Variants in ASIC2 observed in about 807,000 individuals in gnomAD.
ASIC2 encodes the protein acid-sensing ion channel 2.
In ASIC2, 25 loss-of-function variants were observed where a neutral mutation model predicts 57.3. The ratio of observed to expected loss-of-function variants is 0.44; its 90% CI spans 0.32 to 0.61. The LOEUF (loss-of-function observed/expected upper bound fraction) is 0.61, where lower values mean the gene tolerates loss of function less well. Ranked by LOEUF, ASIC2 falls within the 20% of genes least tolerant of loss-of-function variation. The pLI is 0.06. For missense variants in ASIC2, 641 were observed against 738.1 expected (o/e 0.87, Z 1.52); for synonymous variants, 319 against 307.5 (o/e 1.04, Z -0.39).
At chr17:33,612,028 C>T (rs9910017) in intron 1 of ASIC2, among the ~76,000 whole-genome samples, 67,545 of 152,024 alleles carry the variant, frequency 0.44, 15,309 homozygotes, top group Middle Eastern at 0.53. Context: ...TAGTCCAAGT[C>T]CACGTCTGAA....
chr17:33,830,800 A>T (rs932165181), intron 1 of ASIC2, among the ~76,000 whole-genome samples: 1 of 151,582 alleles, frequency 6.6e-6, no homozygotes, highest in East Asian at 1.9e-4. Context: ...CACTTATGGG[A>T]GTTATATTTA....
intron 1 of ASIC2, 153 bp from the exon 2 acceptor site, chr17:33,112,220 G>A (rs771437360): frequency 2.2e-4 from 233 of 1,036,022 alleles, no homozygotes; most frequent in Non-Finnish European, 3.1e-4. Context: ...TTTTCATCCT[G>A]GCTGTGGGCC....
intron 1 of ASIC2, among the ~76,000 whole-genome samples, chr17:33,922,641 T>A (rs931880700): frequency 1.3e-5 from 2 of 152,336 alleles, no homozygotes; most frequent in Non-Finnish European, 2.9e-5. Flanking sequence ...GTTTTACACA[T>A]ATAATATCAT....
In ASIC2 at chr17:33,543,391, C is replaced by T. The variant is rs186392361; in HGVS notation, c.556-431324G>A. ...TGGGGCCTCTATGCAAAATAACTTT[C>T]ACCCAGTACTCTCTCCCTTTCATGT... On this transcript the variant is annotated intron_variant, in intron 1 of 9. Coordinates refer to the ASIC2 transcript ENST00000359872. Among the ~76,000 whole-genome samples, 13 of 152,308 alleles carry T rather than the reference C, an allele frequency of 8.5e-5. No homozygotes were observed. The East Asian group carries it at 2.5e-3, about 29-fold the overall frequency.
At chr17:33,828,623 C>A (rs1372531959) in intron 1 of ASIC2, 1 of 152,046 alleles carries the variant, frequency 6.6e-6, no homozygotes, top group Non-Finnish European at 1.5e-5. Flanking sequence ...CGGAGATGAA[C>A]TTGGAGTGAA....
chr17:33,106,659 A>G (rs1293843706), intron 2 of ASIC2, among the ~76,000 whole-genome samples: 1 of 152,100 alleles, frequency 6.6e-6, no homozygotes, highest in African/African-American at 2.4e-5. Flanking sequence ...GGACTATTAC[A>G]GGGTCTCAGG....
At chr17:33,954,073 T>C (rs981734712) in intron 1 of ASIC2, among the ~76,000 whole-genome samples, 3 of 152,184 alleles carry the variant, frequency 2.0e-5, no homozygotes, top group African/African-American at 7.2e-5. Context: ...CATCCATTTC[T>C]TCTTTTGGGG....
intron 1 of ASIC2, among the ~76,000 whole-genome samples, chr17:33,183,950 G>C (rs1461248162): frequency 3.3e-5 from 5 of 152,094 alleles, no homozygotes; most frequent in African/African-American, 1.2e-4. Flanking sequence ...TCTGGGCTTC[G>C]GTTTCCTCTT....
At chr17:34,056,928 A>G (rs1345172437) in intron 1 of ASIC2, among the ~76,000 whole-genome samples, 1 of 152,252 alleles carries the variant, frequency 6.6e-6, no homozygotes, top group Non-Finnish European at 1.5e-5. Context: ...TTTAAATACA[A>G]TGATGAATCA....
chr17:33,709,941 C>A (rs966739083), intron 1 of ASIC2, among the ~76,000 whole-genome samples: 1 of 152,200 alleles, frequency 6.6e-6, no homozygotes, highest in Non-Finnish European at 1.5e-5. Context: ...CTTATTATCA[C>A]GGCAGTATTT....
At chr17:33,425,924 C>T (rs1466716064) in intron 1 of ASIC2, among the ~76,000 whole-genome samples, 4 of 152,208 alleles carry the variant, frequency 2.6e-5, no homozygotes, top group South Asian at 4.2e-4. Flanking sequence ...TCAGGCGCAG[C>T]GCCAACAAAA....
intron 1 of ASIC2, among the ~76,000 whole-genome samples, chr17:33,516,077 C>A (rs867371925): frequency 2.6e-5 from 4 of 152,024 alleles, no homozygotes; most frequent in Non-Finnish European, 4.4e-5. Flanking sequence ...TGCACTCCAG[C>A]CTGGGCGACA....
chr17:33,565,597 G>A (rs1916208973), intron 1 of ASIC2, among the ~76,000 whole-genome samples: 1 of 152,198 alleles, frequency 6.6e-6, no homozygotes, highest in Non-Finnish European at 1.5e-5. Context: ...CTGGTTCAGA[G>A]ATCCAGGCCT....
At chr17:33,442,732 T>G (rs567016194) in intron 1 of ASIC2, among the ~76,000 whole-genome samples, 4 of 152,174 alleles carry the variant, frequency 2.6e-5, no homozygotes, top group Non-Finnish European at 5.9e-5. Flanking sequence ...AAAGACAGTT[T>G]TTTTTTCTCT....
chr17:33,018,360 G>A (rs890776213), intron 7 of ASIC2, among the ~76,000 whole-genome samples: 9 of 152,238 alleles, frequency 5.9e-5, no homozygotes, highest in Admixed American at 2.6e-4. Flanking sequence ...TAGAATCAGA[G>A]CCTCTGCGGT....
chr17:33,048,199 C>T (rs917716438), intron 3 of ASIC2, among the ~76,000 whole-genome samples: 3 of 152,180 alleles, frequency 2.0e-5, no homozygotes, highest in Admixed American at 1.3e-4. Flanking sequence ...CTAACTCTGG[C>T]ACCCTGATCT....
intron 1 of ASIC2, among the ~76,000 whole-genome samples, chr17:33,648,081 C>A (rs996061086): frequency 6.6e-5 from 10 of 152,214 alleles, no homozygotes; most frequent in African/African-American, 2.4e-4. Context: ...TCTTCCTTTC[C>A]TTTTTGCCTC....
At chr17:33,210,005 C>A (rs1316944) in intron 1 of ASIC2, among the ~76,000 whole-genome samples, 1 of 151,934 alleles carries the variant, frequency 6.6e-6, no homozygotes, top group South Asian at 2.1e-4. Flanking sequence ...ACTTTAACCC[C>A]GAAGTGGAAG....
At chr17:34,149,596 G>A (rs1904433589) in intron 1 of ASIC2, among the ~76,000 whole-genome samples, 1 of 152,166 alleles carries the variant, frequency 6.6e-6, no homozygotes, top group African/African-American at 2.4e-5. Context: ...GCAATTCTAG[G>A]TGCCAAGAAT....
Sources: allele counts gnomAD v4.1 joint callset (sites outside exome capture counted in the v4.1 genomes callset), GRCh38; gene constraint gnomAD v4.1.1; transcripts MANE v1.5; gene names NCBI Gene and HGNC (gene_info 2026-07-23, HGNC 2026-07-21).